The following HYLS1 variants were observed in gnomAD, a reference collection of about 807,000 sequenced individuals.
HYLS1 encodes the protein HYLS1 centriolar and ciliogenesis associated.
A neutral mutation model predicts 29.4 loss-of-function variants in HYLS1; 25 were observed. The observed-to-expected ratio is 0.85, with a 90% CI of 0.62 to 1.19. HYLS1 has a LOEUF of 1.19. HYLS1 is among the 50% of genes most tolerant of loss of function. The pLI, the probability that HYLS1 is intolerant of heterozygous loss-of-function variation, is 0.00. For missense variants in HYLS1, 352 were observed against 365.1 expected (o/e 0.96, Z 0.29); for synonymous variants, 128 against 126.7 (o/e 1.01, Z -0.07).
At chr11:125,888,767 C>A (rs1944355546) in intron 1 of HYLS1, among the ~76,000 whole-genome samples, 2 of 57,870 alleles carry the variant, frequency 3.5e-5, no homozygotes, top group South Asian at 7.8e-4. Context: ...AGACTCTTGT[C>A]TCAAAAAAAA....
At chr11:125,898,751 ACAC>A (rs1944667109) in intron 2 of HYLS1, among the ~76,000 whole-genome samples, 1 of 150,000 alleles carries the variant, frequency 6.7e-6, no homozygotes, top group Admixed American at 6.7e-5. Flanking sequence ...AGAGAACACA[ACAC>A]TGCTTTTGTG....
chr11:125,894,255 C>A, intron 2 of HYLS1: 1 of 1,611,860 alleles, frequency 6.2e-7, no homozygotes, highest in South Asian at 1.1e-5. Context: ...AACTTACAGT[C>A]ATATAAGACT....
At chr11:125,887,166 A>G (rs1013065776), upstream of HYLS1, 1 of 152,488 alleles carries the variant, frequency 6.6e-6, no homozygotes, top group African/African-American at 2.4e-5. Flanking sequence ...GGAAACGTCT[A>G]GAGCGCACAG....
chr11:125,895,010 G>A (rs1290819408), intron 2 of HYLS1, among the ~76,000 whole-genome samples: 3 of 151,262 alleles, frequency 2.0e-5, no homozygotes, highest in African/African-American at 7.3e-5. Flanking sequence ...CAGTGACTTC[G>A]TTATTTAGAC....
rs201138088 is a variant in HYLS1 at position 125,895,255 on chromosome 11, T to C, written c.-26+3783T>C. 180 of 1,601,674 alleles carry C rather than the reference T, an allele frequency of 1.1e-4. No homozygotes were observed. The highest frequency in any genetic ancestry group is 3.4e-4 in the Middle Eastern group (2 of 5,966). On this transcript the variant is annotated intron_variant, in intron 2 of 2. Coordinates refer to ENST00000425380, the MANE Select transcript of HYLS1 (RefSeq NM_001134793.2). ...TGAGGCTTTTGGGGATTTTTCTCTATATTCAGCAGCTCATCAATAATCTCT... is the reference window on the plus strand; with the variant it reads ...TGAGGCTTTTGGGGATTTTTCTCTACATTCAGCAGCTCATCAATAATCTCT...
At chr11:125,887,602 G>C (rs1054737439), upstream of HYLS1, 1 of 152,306 alleles carries the variant, frequency 6.6e-6, no homozygotes, top group African/African-American at 2.4e-5. Flanking sequence ...CAAGGGTGCC[G>C]GTTCGCTCTC....
chr11:125,894,283 C>T, intron 2 of HYLS1: 1 of 1,590,950 alleles, frequency 6.3e-7, no homozygotes, highest in Non-Finnish European at 8.6e-7. Context: ...ATTCTACAGC[C>T]ATACTAGAGA....
chr11:125,900,455 A>C lies in HYLS1; in HGVS notation c.*187A>C. Reference sequence around the variant, plus strand: ...GATGATACTTCCAAATTGCCACTCAAATCCAGCAATTGCAAGATAAATCAT... The same window carrying C: ...GATGATACTTCCAAATTGCCACTCACATCCAGCAATTGCAAGATAAATCAT... On this transcript the variant is annotated 3_prime_UTR_variant, in exon 3 of 3. Transcript: ENST00000425380. The C allele has an allele frequency of 3.3e-6, 2 of 600,682 alleles. No individual in the cohort carries two copies. The highest frequency in any genetic ancestry group is 6.0e-6 in the Non-Finnish European group (2 of 333,172). 37.2% of individuals were successfully genotyped at this position (600,682 alleles called of 1,614,324 possible).
At chr11:125,893,689 T>G in intron 2 of HYLS1, 3 of 896,838 alleles carry the variant, frequency 3.3e-6, no homozygotes, top group Non-Finnish European at 4.8e-6. Flanking sequence ...GAGCTGATCA[T>G]CTGAATTCCT....
intron 1 of HYLS1, among the ~76,000 whole-genome samples, chr11:125,889,599 T>G (rs971104596): frequency 6.6e-6 from 1 of 151,820 alleles, no homozygotes; most frequent in Non-Finnish European, 1.5e-5. Flanking sequence ...TAGCCGGGCG[T>G]GGTGGCAGGT....
intron 2 of HYLS1, among the ~76,000 whole-genome samples, chr11:125,892,989 T>C (rs1415970663): frequency 1.3e-5 from 2 of 152,200 alleles, no homozygotes; most frequent in African/African-American, 4.8e-5. Flanking sequence ...ACAAACTGGA[T>C]CTTCTGACTT....
chr11:125,888,783 AAAAAGAG>A (rs1565448569), intron 1 of HYLS1, among the ~76,000 whole-genome samples: 4 of 138,682 alleles, frequency 2.9e-5, no homozygotes, highest in African/African-American at 7.7e-5. Context: ...AAAAAAAAAA[AAAAAGAG>A]AAAAGAAAAA....
chr11:125,888,672 G>A (rs945863286), intron 1 of HYLS1, among the ~76,000 whole-genome samples: 1 of 151,198 alleles, frequency 6.6e-6, no homozygotes, highest in African/African-American at 2.4e-5. Flanking sequence ...GGGAGGCCGA[G>A]ACAGGAGAAT....
intron 2 of HYLS1, among the ~76,000 whole-genome samples, chr11:125,892,855 G>A (rs574582516): frequency 6.6e-6 from 1 of 152,282 alleles, no homozygotes; most frequent in East Asian, 1.9e-4. Flanking sequence ...AGCTTTTTAA[G>A]GAATGTCTTT....
intron 2 of HYLS1, chr11:125,895,165 AGC>A: frequency 7.2e-7 from 1 of 1,396,894 alleles, no homozygotes. Flanking sequence ...TTGTGCCTCA[AGC>A]GTCCCGAGTA....
chr11:125,895,353 T>A, intron 2 of HYLS1: 1 of 1,614,236 alleles, frequency 6.2e-7, no homozygotes, highest in Non-Finnish European at 8.5e-7. Context: ...AAGGAATGCC[T>A]GGCCAGTCAC....
intron 2 of HYLS1, chr11:125,896,029 T>C: frequency 1.2e-6 from 2 of 1,614,196 alleles, no homozygotes; most frequent in Non-Finnish European, 1.7e-6. Context: ...ATGGTATTAT[T>C]TGTGTTTTCC....
In HYLS1 at chr11:125,900,155, A is replaced by G. The variant is rs771160535; in HGVS notation, c.787A>G (p.Asn263Asp). 6.2e-7 allele frequency: 1 copy of G among 1,614,100 alleles called. No individual in the cohort carries two copies. Among genetic ancestry groups the G allele is most frequent in the Admixed American group, 1.7e-5 (1 of 60,018 alleles). The change falls in exon 3 of 3, where the codon AAT becomes GAT. Residue 263 changes from asparagine (N) to aspartate (D), a missense_variant. Asn to Asp is a conservative substitution (Grantham distance 23). Transcript: ENST00000425380. ...ACCTCAGCATATATATGTCCCAAAC[A>G]ATTATCTAGTACCAACAGAGAAGAA... ...SKPQHIYVPN[N>D]YLVPTEKKRS... is the part of the protein sequence containing the mutation.
upstream of HYLS1, chr11:125,887,117 T>A (rs1477052935): frequency 1.3e-5 from 2 of 152,586 alleles, no homozygotes; most frequent in African/African-American, 4.8e-5. Flanking sequence ...AAGAGCTCAG[T>A]GCGCCAGGGT....
Sources: gnomAD v4.1 joint callset for allele counts (sites outside exome capture counted in the v4.1 genomes callset) on GRCh38, gnomAD v4.1.1 for gene constraint, MANE v1.5 for transcripts, NCBI Gene and HGNC (gene_info 2026-07-23, HGNC 2026-07-21) for gene names.